The following SVIL variants were observed in gnomAD, a reference collection of about 807,000 sequenced individuals.
SVIL encodes the protein supervillin, also known as archvillin.
Under a neutral mutation model 240.4 loss-of-function variants are expected in SVIL, and 101 were observed. That is an observed-to-expected ratio of 0.42 (90% CI 0.36 to 0.50). The LOEUF (loss-of-function observed/expected upper bound fraction) is 0.50, where lower values mean the gene tolerates loss of function less well. Ranked by LOEUF, SVIL falls within the 20% of genes least tolerant of loss-of-function variation. The pLI, the probability that SVIL is intolerant of heterozygous loss-of-function variation, is 0.01. For synonymous variants in SVIL, 999 were observed against 1,100.0 expected, an observed-to-expected ratio of 0.91 and a Z score of 1.82; for missense variants, 2,512 against 2,818.7, an observed-to-expected ratio of 0.89 and a Z score of 2.46.
intron 3 of SVIL, among the ~76,000 whole-genome samples, chr10:29,651,651 T>TCTCTCTCTCTCTCTCTCTCTCTC (rs1554886954): frequency 1.3e-5 from 2 of 151,810 alleles, no homozygotes; most frequent in Admixed American, 6.6e-5. Context: ...TCTCTCTCTG[T>TCTCTCTCTCTCTCTCTCTCTCTC]TTTCATCCTT....
intron 1 of SVIL, among the ~76,000 whole-genome samples, chr10:29,710,394 T>C (rs1963196086): frequency 6.6e-6 from 1 of 152,204 alleles, no homozygotes; most frequent in Non-Finnish European, 1.5e-5. Context: ...CTTTTCCTTT[T>C]AGTAGTTAAT....
At chr10:29,549,706 G>A (rs1475832952) in intron 6 of SVIL, among the ~76,000 whole-genome samples, 1 of 141,922 alleles carries the variant, frequency 7.0e-6, no homozygotes, top group Non-Finnish European at 1.5e-5. Flanking sequence ...AAAAGGATGA[G>A]TTCATGTCCT....
chr10:29,676,705 T>C (rs896791604), intron 2 of SVIL, among the ~76,000 whole-genome samples: 19 of 152,176 alleles, frequency 1.2e-4, no homozygotes, highest in Non-Finnish European at 7.3e-5. Context: ...AGCTGGACAT[T>C]GGTTTGGAGA....
chr10:29,649,602 CA>C (rs1198270978), intron 3 of SVIL, among the ~76,000 whole-genome samples: 3 of 151,936 alleles, frequency 2.0e-5, no homozygotes, highest in African/African-American at 7.3e-5. Context: ...ATTTTAGCTT[CA>C]AAAAAATTGA....
intron 6 of SVIL, among the ~76,000 whole-genome samples, chr10:29,537,368 C>T (rs1589156917): frequency 1.3e-5 from 2 of 152,136 alleles, no homozygotes; most frequent in East Asian, 3.8e-4. Flanking sequence ...ATATATAGTC[C>T]ACACATTCAT....
chr10:29,727,058 C>T (rs935289651), intron 1 of SVIL, among the ~76,000 whole-genome samples: 1 of 152,196 alleles, frequency 6.6e-6, no homozygotes, highest in Non-Finnish European at 1.5e-5. Flanking sequence ...ACGTGGTTAT[C>T]AAATGTTAGC....
In SVIL at chr10:29,532,151, C is replaced by T. The variant is rs200353873; in HGVS notation, c.1860G>A (p.Ser620=). 1.1e-5 allele frequency: 18 copies of T among 1,613,928 alleles called. 1 individual carries two copies. Among genetic ancestry groups the T allele is most frequent in the Admixed American group, 5.0e-5 (3 of 60,010 alleles). Reference sequence around the variant, plus strand: ...CGGTGGGCAAGCCAGGTCCTTCAGCCGACCTCTCCACCCGTGATTTGCTTT... The same window carrying T: ...CGGTGGGCAAGCCAGGTCCTTCAGCTGACCTCTCCACCCGTGATTTGCTTT... ...RPELKSRVER[S]AEGPGLPTGV... Residue 620 remains serine, a synonymous_variant, in exon 9 of 38, where the codon TCG becomes TCA. Coordinates refer to ENST00000355867, the MANE Select transcript of SVIL (RefSeq NM_021738.3).
chr10:29,687,235 C>A (rs1179451987), intron 1 of SVIL, among the ~76,000 whole-genome samples: 1 of 152,236 alleles, frequency 6.6e-6, no homozygotes, highest in Non-Finnish European at 1.5e-5. Flanking sequence ...ACAAGCTTAT[C>A]TTCCCTGGTA....
intron 22 of SVIL, among the ~76,000 whole-genome samples, chr10:29,490,361 G>T (rs942893486): frequency 1.3e-5 from 2 of 151,716 alleles, no homozygotes; most frequent in African/African-American, 4.8e-5. Context: ...AAGAATGATT[G>T]TGTGTTCAGG....
In SVIL at chr10:29,470,417, C is replaced by A; in HGVS notation, c.5702G>T (p.Cys1901Phe). 6.2e-7 allele frequency: 1 copy of A among 1,614,228 alleles called. No individual in the cohort carries two copies. Among genetic ancestry groups the A allele is most frequent in the Non-Finnish European group, 8.5e-7 (1 of 1,180,046 alleles). ...TCTGGACCTCAGGCTGCTACAGTGA[C>A]AGGCCACTTCCAGCAAATTCCCTTC... ...PVEGNLLEVACHCSSLRSRTS... is the reference protein window; with the variant it reads ...PVEGNLLEVAFHCSSLRSRTS... Residue 1901 changes from cysteine (C) to phenylalanine (F), a missense_variant, in exon 32 of 38, where the codon TGT (cysteine) becomes TTT (phenylalanine). By Grantham distance (205) the Cys-to-Phe change is radical. Coordinates refer to ENST00000355867, the MANE Select transcript of SVIL (RefSeq NM_021738.3).
At chr10:29,529,175 C>CAGAAAAAAAAAAAAA (rs1491188568) in intron 12 of SVIL, among the ~76,000 whole-genome samples, 1 of 66,068 alleles carries the variant, frequency 1.5e-5, no homozygotes, top group Non-Finnish European at 2.8e-5. Flanking sequence ...GACTCTCTCT[C>CAGAAAAAAAAAAAAA]AAAAAAAAAA....
chr10:29,603,949 T>C (rs553859757), intron 1 of SVIL, among the ~76,000 whole-genome samples: 1 of 152,336 alleles, frequency 6.6e-6, no homozygotes, highest in South Asian at 2.1e-4. Context: ...TTGTAATTTT[T>C]TGACTCATGT....
chr10:29,461,392 G>A (rs1313897316), intron 36 of SVIL, among the ~76,000 whole-genome samples: 1 of 152,114 alleles, frequency 6.6e-6, no homozygotes, highest in Non-Finnish European at 1.5e-5. Context: ...TTGGCTCCAG[G>A]GAGACAGGTT....
chr10:29,531,258 G>T lies in SVIL; in HGVS notation c.2040C>A (p.Val680=). The change falls in exon 10 of 38, where the codon GTC becomes GTA. Residue 680 remains valine, a synonymous_variant. Coordinates refer to ENST00000355867, the MANE Select transcript of SVIL (RefSeq NM_021738.3). The stretch of plus-strand genomic sequence containing the variant: ...AAAAGGGAAACAGGTACTTGCCATC[G>T]ACAGTTGGCGTTTCTGAATGTGAAG... The part of the protein sequence containing the change: ...RCTSHSETPT[V]DDEEKVDERA... 2 of 1,613,878 alleles carry T rather than the reference G, an allele frequency of 1.2e-6. No homozygotes were observed. The highest frequency in any genetic ancestry group is 2.2e-5 in the East Asian group (1 of 44,870).
At chr10:29,681,406 G>GGTGTGT (rs55839039) in intron 2 of SVIL, among the ~76,000 whole-genome samples, 13,351 of 134,782 alleles carry the variant, frequency 0.099, 830 homozygotes, top group Admixed American at 0.19. Flanking sequence ...AAGATGGAAT[G>GGTGTGT]GTGTGTGTGT....
At chr10:29,619,924 T>C (rs1360312973) in intron 1 of SVIL, among the ~76,000 whole-genome samples, 1 of 152,150 alleles carries the variant, frequency 6.6e-6, no homozygotes, top group Non-Finnish European at 1.5e-5. Context: ...TAGGTACACA[T>C]ACATGTATAA....
rs146286596 is a variant in SVIL, at chr10:29,518,398, A to G, written c.3389+4012T>C. Among the ~76,000 whole-genome samples the G allele has an allele frequency of 3.9e-3, 592 of 151,998 alleles. 3 individuals carry two copies. Among genetic ancestry groups the G allele is most frequent in the African/African-American group, 0.014 (565 of 41,446 alleles). On this transcript the variant is annotated intron_variant, in intron 16 of 37. Transcript: ENST00000355867. ...GTGAGACTCTTGTCTCAGAAAATAA[A>G]CAAATAAATAAATAAATATAAAAAT...
At chr10:29,458,355 C>T (rs886425008) in intron 37 of SVIL, 22 bp from the exon 38 acceptor site, 1 of 1,613,266 alleles carries the variant, frequency 6.2e-7, no homozygotes, top group Admixed American at 1.7e-5. Context: ...GGGAGAAGCG[C>T]CCCGCGGCTC....
chr10:29,462,446 C>G (rs1944376771), intron 35 of SVIL, 45 bp from the exon 36 acceptor site: 1 of 1,578,960 alleles, frequency 6.3e-7, no homozygotes, highest in African/African-American at 1.4e-5. Context: ...CAGGGAGACC[C>G]TGTCTTTCTC....
Sources: gnomAD v4.1 joint callset for allele counts (sites outside exome capture counted in the v4.1 genomes callset) on GRCh38, gnomAD v4.1.1 for gene constraint, MANE v1.5 for transcripts, NCBI Gene and HGNC (gene_info 2026-07-23, HGNC 2026-07-21) for gene names.